GCC2: variants seen among roughly 807,000 people sequenced by gnomAD.
The protein encoded by GCC2 is GRIP and coiled-coil domain-containing protein 2.
A neutral mutation model predicts 210.6 loss-of-function variants in GCC2; 120 were observed. The ratio of observed to expected loss-of-function variants is 0.57; its 90% CI spans 0.49 to 0.66. The LOEUF (loss-of-function observed/expected upper bound fraction) is 0.66, where lower values mean the gene tolerates loss of function less well. Among genes scored for constraint, GCC2 ranks in the 30% least tolerant of loss-of-function variants. The pLI is 0.00. For missense variants in GCC2, 1,868 were observed against 1,871.9 expected, an observed-to-expected ratio of 1.00 and a Z score of 0.04; for synonymous variants, 703 against 652.7, an observed-to-expected ratio of 1.08 and a Z score of -1.17.
intron 8 of GCC2, 36 bp from the exon 9 acceptor site, chr2:108,475,716 C>A (rs764785853): frequency 9.8e-5 from 145 of 1,478,048 alleles, no homozygotes; most frequent in East Asian, 7.3e-4. Flanking sequence ...TAAAAAAAAA[C>A]AAAAACCTCT....
At position 108,485,626 on chromosome 2, in the gene GCC2, CT is replaced by C; in HGVS notation, c.3614-8del. 1.5e-6 allele frequency: 2 copies of C among 1,356,408 alleles called. No homozygotes were observed. Among genetic ancestry groups the C allele is most frequent in the Non-Finnish European group, 2.0e-6 (2 of 989,876 alleles). 84.0% of individuals were successfully genotyped at this position (1,356,408 alleles called of 1,614,324 possible). The stretch of plus-strand genomic sequence containing the variant: ...ACATCTTTTTCTGCTGAAATTATTT[CT>C]TGTGCTAGCTTCATTACAGTCTTCA... On this transcript the variant is annotated splice_polypyrimidine_tract_variant and intron_variant, in intron 13 of 22. Transcript: ENST00000309863.
chr2:108,456,536 G>A (rs1680288000), intron 4 of GCC2, among the ~76,000 whole-genome samples: 2 of 151,846 alleles, frequency 1.3e-5, no homozygotes, highest in Admixed American at 1.3e-4. Flanking sequence ...TTTTTTAATG[G>A]GGTTATTTTT....
intron 4 of GCC2, among the ~76,000 whole-genome samples, chr2:108,454,775 A>T (rs1680160178): frequency 6.6e-6 from 1 of 152,222 alleles, no homozygotes; most frequent in Non-Finnish European, 1.5e-5. Context: ...AACAGGATTG[A>T]TGTAGAAATG....
At chr2:108,486,354 C>T in intron 15 of GCC2, 157 bp from the exon 16 acceptor site, 3 of 722,096 alleles carry the variant, frequency 4.2e-6, no homozygotes, top group Non-Finnish European at 7.3e-6. Context: ...TTCTACTTGT[C>T]TCTGCTTTTT....
chr2:108,492,729 G>A lies in GCC2; in HGVS notation c.4386G>A (p.Gln1462=), dbSNP rs1682467971. 6.2e-7 allele frequency: 1 copy of A among 1,614,012 alleles called. No individual in the cohort carries two copies. The highest frequency in any genetic ancestry group is 2.2e-5 in the East Asian group (1 of 44,880). Residue 1462 remains glutamine, a synonymous_variant, in exon 19 of 23, where the codon CAG becomes CAA. Transcript: ENST00000309863. ...EEHRKTVETL[Q]QQLSKMEAQL... ...ACAGAAAGACAGTGGAGACATTACA[G>A]CAGCAGCTCTCCAAGATGGAAGCAC...
intron 4 of GCC2, among the ~76,000 whole-genome samples, chr2:108,463,530 T>C (rs994136007): frequency 1.3e-5 from 2 of 152,126 alleles, no homozygotes; most frequent in African/African-American, 4.8e-5. Context: ...GTGGAGGCTG[T>C]GGTAAAGTTT....
intron 21 of GCC2, among the ~76,000 whole-genome samples, chr2:108,497,314 T>TC (rs1682694074): frequency 6.6e-6 from 1 of 152,140 alleles, no homozygotes; most frequent in Non-Finnish European, 1.5e-5. Context: ...AGACAGGGTT[T>TC]ACCATGTTAG....
At chr2:108,476,066 T>C (rs1337434471) in intron 9 of GCC2, among the ~76,000 whole-genome samples, 1 of 142,898 alleles carries the variant, frequency 7.0e-6, no homozygotes, top group East Asian at 2.1e-4. Flanking sequence ...TTTTTTTTTT[T>C]TTTTTTTTTT....
chr2:108,469,589 T>C, intron 5 of GCC2, 62 bp from the exon 6 acceptor site: 1 of 1,201,818 alleles, frequency 8.3e-7, no homozygotes, highest in Non-Finnish European at 1.2e-6. Context: ...ATATTTTTCC[T>C]AAGGTCAGAG....
Position 108,505,423 on chromosome 2 carries a change from T to G in GCC2, c.4985-2137T>G, listed in dbSNP as rs569909823. Among the ~76,000 whole-genome samples the G allele has an allele frequency of 1.3e-4, 20 of 152,290 alleles. 1 individual carries two copies. In the East Asian group the frequency reaches 3.3e-3, roughly 25 times the overall value. ...TGCCCTCATTCCCTCCTCCAGAAATTCATGCCTTTGTATAATCTCTTCCCC... is the reference window on the plus strand; with the variant it reads ...TGCCCTCATTCCCTCCTCCAGAAATGCATGCCTTTGTATAATCTCTTCCCC... On this transcript the variant is annotated intron_variant, in intron 22 of 22. Transcript: ENST00000309863.
intron 4 of GCC2, among the ~76,000 whole-genome samples, chr2:108,466,161 T>C (rs917511609): frequency 2.0e-5 from 3 of 152,200 alleles, no homozygotes; most frequent in African/African-American, 7.2e-5. Flanking sequence ...ATTTGTTGAG[T>C]CCTTGTAGAT....
Position 108,485,228 on chromosome 2 carries a change from G to A in GCC2, c.3614-408G>A, listed in dbSNP as rs1272943776. On this transcript the variant is annotated intron_variant, in intron 13 of 22. Transcript: ENST00000309863. ...GGAGATATACCTAATGCTAGATGACGAGTTAGTGGGCGCAGCACACCAGCA... is the reference window on the plus strand; with the variant it reads ...GGAGATATACCTAATGCTAGATGACAAGTTAGTGGGCGCAGCACACCAGCA... Among the ~76,000 whole-genome samples the A allele has an allele frequency of 6.0e-5, 9 of 151,182 alleles. No homozygotes were observed. The South Asian group carries it at 8.3e-4, about 14-fold the overall frequency.
chr2:108,468,055 A>C (rs1272217065), intron 4 of GCC2, among the ~76,000 whole-genome samples: 1 of 132,884 alleles, frequency 7.5e-6, no homozygotes, highest in Admixed American at 8.2e-5. Context: ...TATTCATAAT[A>C]ATTTTCTTTT....
intron 9 of GCC2, among the ~76,000 whole-genome samples, chr2:108,479,734 A>G (rs1312369979): frequency 1.3e-5 from 2 of 151,736 alleles, no homozygotes; most frequent in African/African-American, 4.8e-5. Flanking sequence ...CTGTAATTCC[A>G]ACACTTTGGG....
intron 4 of GCC2, among the ~76,000 whole-genome samples, chr2:108,459,736 CTTCT>C (rs1377337605): frequency 2.2e-5 from 1 of 46,458 alleles, no homozygotes; most frequent in African/African-American, 6.7e-5. Flanking sequence ...AGATAATGAC[CTTCT>C]TTGTCTTTTT....
intron 22 of GCC2, among the ~76,000 whole-genome samples, chr2:108,504,801 C>T (rs1683105483): frequency 6.6e-6 from 1 of 152,096 alleles, no homozygotes; most frequent in African/African-American, 2.4e-5. Flanking sequence ...TTACAGTTTA[C>T]AGATCTGAAT....
Position 108,471,770 on chromosome 2 carries a change from A to T in GCC2, c.2441A>T (p.Glu814Val), listed in dbSNP as rs1479248738. 1 of 1,613,332 alleles carries T rather than the reference A, an allele frequency of 6.2e-7. No homozygotes were observed. The highest frequency in any genetic ancestry group is 1.7e-5 in the Admixed American group (1 of 59,890). Reference protein sequence around the residue: ...RDEKVLELEKEIKCLQEESVV... With the variant: ...RDEKVLELEKVIKCLQEESVV... ...GAAAAAGTATTAGAGTTAGAAAAAGAGATTAAGTGCCTTCAAGAAGAGAGT... is the reference window on the plus strand; with the variant it reads ...GAAAAAGTATTAGAGTTAGAAAAAGTGATTAAGTGCCTTCAAGAAGAGAGT... The change falls in exon 6 of 23, where the codon GAG (glutamate) becomes GTG (valine). Residue 814 changes from glutamate to valine, a missense_variant. Glu to Val is a moderately radical substitution (Grantham distance 121). Coordinates refer to ENST00000309863, the MANE Select transcript of GCC2 (RefSeq NM_181453.4).
At chr2:108,472,478 AAG>A (rs758323553) in intron 6 of GCC2, among the ~76,000 whole-genome samples, 7 of 152,180 alleles carry the variant, frequency 4.6e-5, no homozygotes, top group East Asian at 1.9e-4. Context: ...CTTTTTAAGT[AAG>A]AGCTGTGGTG....
Position 108,482,727 on chromosome 2 carries a change from A to AGT in GCC2, c.3345+278_3345+279dup, listed in dbSNP as rs1456322318. Among the ~76,000 whole-genome samples the AGT allele has an allele frequency of 7.2e-5, 11 of 152,112 alleles. No homozygotes were observed. In the East Asian group the frequency reaches 1.7e-3, roughly 24 times the overall value. ...AGTCTCGCTCTGTTGCCCAGGCTGG[A>AGT]GTGCAGTGGCGCAATCTCAGCTCAC... On this transcript the variant is annotated intron_variant, in intron 11 of 22. Transcript: ENST00000309863.
Sources: allele counts gnomAD v4.1 joint callset (sites outside exome capture counted in the v4.1 genomes callset), GRCh38; gene constraint gnomAD v4.1.1; transcripts MANE v1.5; gene names NCBI Gene and HGNC (gene_info 2026-07-23, HGNC 2026-07-21).